Variants in CNTN5 observed in about 807,000 individuals in gnomAD.
The protein encoded by CNTN5 is contactin-5.
In CNTN5, 77 loss-of-function variants were observed where a neutral mutation model predicts 129.1. The ratio of observed to expected loss-of-function variants is 0.60; its 90% CI spans 0.50 to 0.72. The LOEUF (loss-of-function observed/expected upper bound fraction) is 0.72. CNTN5 is among the 30% of genes least tolerant of loss of function. The probability of loss-of-function intolerance (pLI) is 0.00; values close to 1 mark genes in which losing one functional copy is unlikely to be tolerated. For missense variants in CNTN5, 1,478 were observed against 1,328.8 expected, an observed-to-expected ratio of 1.11 and a Z score of -1.75; for synonymous variants, 509 against 465.6, an observed-to-expected ratio of 1.09 and a Z score of -1.20.
At chr11:100,037,362 T>C (rs1233696825) in intron 9 of CNTN5, among the ~76,000 whole-genome samples, 103 of 151,688 alleles carry the variant, frequency 6.8e-4, no homozygotes, top group African/African-American at 1.3e-3. Flanking sequence ...CTGCTGGATT[T>C]GGTTTGCCAG....
intron 1 of CNTN5, among the ~76,000 whole-genome samples, chr11:99,216,116 A>T (rs945968893): frequency 5.9e-5 from 9 of 152,124 alleles, no homozygotes; most frequent in Non-Finnish European, 1.3e-4. Context: ...GATATTCTTC[A>T]TTCTACCTAA....
At chr11:99,626,345 T>C (rs1243805540) in intron 3 of CNTN5, among the ~76,000 whole-genome samples, 3 of 152,146 alleles carry the variant, frequency 2.0e-5, no homozygotes, top group African/African-American at 7.2e-5. Context: ...GAAACTGTTT[T>C]TTAACATCAC....
chr11:99,215,827 G>T (rs61893088), intron 1 of CNTN5, among the ~76,000 whole-genome samples: 14,978 of 152,068 alleles, frequency 0.098, 1,260 homozygotes, highest in East Asian at 0.4. Flanking sequence ...TCAAAGGCAG[G>T]TTCTGAAAAT....
At chr11:99,496,598 A>G (rs1946236471) in intron 2 of CNTN5, among the ~76,000 whole-genome samples, 1 of 152,240 alleles carries the variant, frequency 6.6e-6, no homozygotes, top group Non-Finnish European at 1.5e-5. Flanking sequence ...TCCCAGATAG[A>G]TAGATCAGTG....
chr11:100,018,142 C>T (rs1203987455), intron 9 of CNTN5, among the ~76,000 whole-genome samples: 1 of 151,952 alleles, frequency 6.6e-6, no homozygotes, highest in Non-Finnish European at 1.5e-5. Flanking sequence ...TTTTTAAAAG[C>T]TTTATTGCCA....
rs1337682328 is a variant in CNTN5 at position 99,132,762 on chromosome 11, A to C, written c.-210+111492A>C. Among the ~76,000 whole-genome samples the C allele has an allele frequency of 3.9e-5, 6 of 152,232 alleles. No individual in the cohort carries two copies. The East Asian group carries it at 1.2e-3, about 29-fold the overall frequency. ...ACTCAAGGAAATCAGAGAGGACACAAGTAGATGGAGAAACATTACATACTC... is the reference window on the plus strand; with the variant it reads ...ACTCAAGGAAATCAGAGAGGACACACGTAGATGGAGAAACATTACATACTC... On this transcript the variant is annotated intron_variant, in intron 1 of 24. Coordinates refer to ENST00000524871, the MANE Select transcript of CNTN5 (RefSeq NM_014361.4).
intron 2 of CNTN5, among the ~76,000 whole-genome samples, chr11:99,455,860 C>T (rs1298665527): frequency 6.6e-6 from 1 of 152,118 alleles, no homozygotes; most frequent in African/African-American, 2.4e-5. Context: ...TTGCTTTGCT[C>T]TGTAAATGTG....
At position 100,171,891 on chromosome 11, in the gene CNTN5, C is replaced by T. The variant is rs11223078; in HGVS notation, c.1581-19235C>T. 7.9e-3 allele frequency among the ~76,000 whole-genome samples: 1,194 copies of T among 151,868 alleles called. 14 individuals are homozygous for T. Among genetic ancestry groups the T allele is most frequent in the African/African-American group, 0.027 (1,117 of 41,494 alleles). On this transcript the variant is annotated intron_variant, in intron 13 of 24. Transcript: ENST00000524871. Reference sequence around the variant, plus strand: ...ATAGTAGAAAAAAATGTTATAAATACGTTGGTTTATATCTAGCTATAAATA... The same window carrying T: ...ATAGTAGAAAAAAATGTTATAAATATGTTGGTTTATATCTAGCTATAAATA...
intron 3 of CNTN5, among the ~76,000 whole-genome samples, chr11:99,679,097 CAT>C (rs35195363): frequency 0.094 from 13,708 of 146,244 alleles, 864 homozygotes; most frequent in African/African-American, 0.18. Flanking sequence ...CATATACACA[CAT>C]ATATAGGAAA....
intron 3 of CNTN5, among the ~76,000 whole-genome samples, chr11:99,703,009 A>C (rs1020017662): frequency 1.3e-5 from 2 of 150,922 alleles, no homozygotes; most frequent in African/African-American, 4.8e-5. Flanking sequence ...TAAACGTCGC[A>C]TGAAGATGTA....
At chr11:99,089,116 C>A (rs1035009467) in intron 1 of CNTN5, among the ~76,000 whole-genome samples, 1 of 151,970 alleles carries the variant, frequency 6.6e-6, no homozygotes, top group African/African-American at 2.4e-5. Flanking sequence ...TTAGTAAATT[C>A]ATGAGAGAAC....
chr11:99,357,504 C>T (rs552419276), intron 2 of CNTN5, among the ~76,000 whole-genome samples: 5 of 151,288 alleles, frequency 3.3e-5, no homozygotes, highest in Admixed American at 6.6e-5. Flanking sequence ...CACACACACA[C>T]TCTAAGGTTT....
chr11:100,226,594 C>G (rs1949380760), intron 16 of CNTN5, among the ~76,000 whole-genome samples: 1 of 152,144 alleles, frequency 6.6e-6, no homozygotes, highest in African/African-American at 2.4e-5. Context: ...TCTGAATATT[C>G]ATGTAACATT....
intron 3 of CNTN5, among the ~76,000 whole-genome samples, chr11:99,639,245 C>T (rs1951677867): frequency 6.6e-6 from 1 of 152,120 alleles, no homozygotes; most frequent in African/African-American, 2.4e-5. Flanking sequence ...AGCACCAAGT[C>T]CCTTGGCTGC....
At chr11:99,058,823 A>G (rs1864744033) in intron 1 of CNTN5, among the ~76,000 whole-genome samples, 1 of 151,926 alleles carries the variant, frequency 6.6e-6, no homozygotes, top group Admixed American at 6.6e-5. Context: ...CACAGAGCTC[A>G]GAAAGATAAT....
intron 1 of CNTN5, among the ~76,000 whole-genome samples, chr11:99,145,864 T>C (rs750005533): frequency 8.5e-5 from 13 of 152,176 alleles, no homozygotes; most frequent in Non-Finnish European, 1.6e-4. Flanking sequence ...TAATGTATTA[T>C]GTAGCTCAAG....
intron 13 of CNTN5, among the ~76,000 whole-genome samples, chr11:100,159,158 T>TAATC (rs1194646081): frequency 6.6e-6 from 1 of 151,568 alleles, no homozygotes; most frequent in Non-Finnish European, 1.5e-5. Context: ...AGTCAATGAA[T>TAATC]AATCATCACC....
chr11:99,278,866 C>G (rs945832079), intron 1 of CNTN5, among the ~76,000 whole-genome samples: 7 of 151,732 alleles, frequency 4.6e-5, no homozygotes, highest in East Asian at 1.9e-4. Context: ...AGCACTTTCA[C>G]TAGTTCTACA....
At chr11:99,553,511 A>T (rs1565288625) in intron 2 of CNTN5, among the ~76,000 whole-genome samples, 1 of 152,050 alleles carries the variant, frequency 6.6e-6, no homozygotes, top group Non-Finnish European at 1.5e-5. Context: ...TCAGAATCTT[A>T]AATATTATTT....
Sources: gnomAD v4.1 joint callset for allele counts (sites outside exome capture counted in the v4.1 genomes callset) on GRCh38, gnomAD v4.1.1 for gene constraint, MANE v1.5 for transcripts, NCBI Gene and HGNC (gene_info 2026-07-23, HGNC 2026-07-21) for gene names.